Variants in MTRR observed in about 807,000 individuals in gnomAD.
The protein encoded by MTRR is 5-methyltetrahydrofolate-homocysteine methyltransferase reductase, also known as methionine synthase reductase.
MTRR carries 63 observed loss-of-function variants against 79.2 expected under a neutral mutation model. The observed-to-expected ratio is 0.80, with a 90% CI of 0.65 to 0.98. The LOEUF (loss-of-function observed/expected upper bound fraction) is 0.98. MTRR is among the 50% of genes least tolerant of loss of function. The pLI is 0.00. For missense variants in MTRR, 895 were observed against 839.6 expected (o/e 1.07, Z -0.82); for synonymous variants, 355 against 313.3 (o/e 1.13, Z -1.41).
intron 14 of MTRR, among the ~76,000 whole-genome samples, chr5:7,897,775 T>C (rs138238044): frequency 0.016 from 2,511 of 152,328 alleles, 33 homozygotes; most frequent in Non-Finnish European, 0.025. Flanking sequence ...ATAATTGCCA[T>C]AGAAAAATTG....
In MTRR at chr5:7,878,112, A is replaced by G. The variant is rs755787285; in HGVS notation, c.570A>G (p.Gln190=). Residue 190 remains glutamine (Q), a synonymous_variant, in exon 5 of 15, where the codon CAA becomes CAG. Coordinates refer to ENST00000440940, the MANE Select transcript of MTRR (RefSeq NM_002454.3). The part of the protein sequence containing the change: ...VKSELLHIES[Q]VELLRFDDSG... The stretch of plus-strand genomic sequence containing the variant: ...CAGAGCTGCTACACATTGAATCTCA[A>G]GTCGAGCTTCTGAGATTCGATGATT... The G allele has an allele frequency of 3.7e-6, 6 of 1,614,070 alleles. No homozygotes were observed. Among genetic ancestry groups the G allele is most frequent in the South Asian group, 3.3e-5 (3 of 91,078 alleles).
intron 10 of MTRR, 22 bp downstream of exon 10, chr5:7,891,436 A>C (rs1737558251): frequency 6.3e-7 from 1 of 1,589,250 alleles, no homozygotes; most frequent in South Asian, 1.1e-5. Flanking sequence ...TATTCACGTA[A>C]TATATAGCAT....
chr5:7,885,255 T>TA (rs1402369964), intron 6 of MTRR: 1 of 184,812 alleles, frequency 5.4e-6, no homozygotes, highest in Admixed American at 5.6e-5. Context: ...AGGAAAAGAG[T>TA]AAAGTAAGGA....
At chr5:7,870,646 A>G in intron 1 of MTRR, 124 bp from the exon 2 acceptor site, 1 of 1,055,780 alleles carries the variant, frequency 9.5e-7, no homozygotes, top group Non-Finnish European at 1.4e-6. Context: ...ACAAATTTAG[A>G]AAAGGCCATT....
rs1747831647 is a variant in MTRR at position 7,870,818 on chromosome 5, T to C, written c.24T>C (p.Tyr8=). 1 of 1,614,242 alleles carries C rather than the reference T, an allele frequency of 6.2e-7. No individual in the cohort carries two copies. The highest frequency in any genetic ancestry group is 8.5e-7 in the Non-Finnish European group (1 of 1,180,044). Residue 8 remains tyrosine (Y), a synonymous_variant, in exon 2 of 15, where the codon TAT becomes TAC. Coordinates refer to ENST00000440940, the MANE Select transcript of MTRR (RefSeq NM_002454.3). MRRFLLL[Y]ATQQGQAKAI... ...TGATGAGGAGGTTTCTGTTACTATA[T>C]GCTACACAGCAGGGACAGGCAAAGG...
intron 1 of MTRR, among the ~76,000 whole-genome samples, chr5:7,853,628 A>C (rs1432045548): frequency 6.6e-6 from 1 of 152,202 alleles, no homozygotes; most frequent in African/African-American, 2.4e-5. Context: ...GCTGAAGGCA[A>C]CTGGTGAATG....
At chr5:7,877,319 C>T (rs988575392) in intron 4 of MTRR, among the ~76,000 whole-genome samples, 1 of 151,946 alleles carries the variant, frequency 6.6e-6, no homozygotes, top group East Asian at 1.9e-4. Context: ...TTCAACTTTC[C>T]CAAAGGAGGG....
chr5:7,897,137 T>G lies in MTRR; in HGVS notation c.1842T>G (p.Pro614=). 1 of 1,614,200 alleles carries G rather than the reference T, an allele frequency of 6.2e-7. No homozygotes were observed. Among genetic ancestry groups the G allele is most frequent in the Non-Finnish European group, 8.5e-7 (1 of 1,180,026 alleles). ...HLKVSFSRDA[P]VGEEEAPAKY... ...AGGTTTCCTTCTCAAGAGATGCTCC[T>G]GTTGGGGAGGAGGAAGCCCCAGCAA... Residue 614 remains proline, a synonymous_variant, in exon 14 of 15, where the codon CCT becomes CCG. Coordinates refer to ENST00000440940, the MANE Select transcript of MTRR (RefSeq NM_002454.3).
chr5:7,851,300 G>C (rs1046130059), exon 1 of MTRR: 2 of 349,906 alleles, frequency 5.7e-6, no homozygotes, highest in African/African-American at 4.2e-5. Context: ...GAGACGCCGC[G>C]GGGACTACCC....
chr5:7,851,909 G>T (rs1178765668), intron 1 of MTRR, among the ~76,000 whole-genome samples: 2 of 152,236 alleles, frequency 1.3e-5, no homozygotes, highest in East Asian at 3.9e-4. Context: ...GATGACCAAG[G>T]CTTGGGAAAT....
chr5:7,887,070 C>G (rs1366433032), intron 8 of MTRR, among the ~76,000 whole-genome samples: 2 of 152,126 alleles, frequency 1.3e-5, no homozygotes, highest in African/African-American at 2.4e-5. Flanking sequence ...CATTGCTGCT[C>G]CTTCTTTAAT....
upstream of MTRR, chr5:7,851,064 C>T (rs977144490): frequency 1.5e-5 from 18 of 1,236,026 alleles, no homozygotes; most frequent in Non-Finnish European, 1.7e-5. Flanking sequence ...CGGTCCGTCC[C>T]GCCCGCCCAG....
chr5:7,867,609 A>T, upstream of MTRR: 1 of 1,614,278 alleles, frequency 6.2e-7, no homozygotes, highest in African/African-American at 1.3e-5. Flanking sequence ...AAAGCTTGAA[A>T]GATGCTATTC....
intron 1 of MTRR, among the ~76,000 whole-genome samples, chr5:7,855,568 C>T (rs866350005): frequency 7.9e-5 from 12 of 151,918 alleles, no homozygotes; most frequent in Middle Eastern, 3.4e-3. Context: ...AGAGCAGTGG[C>T]GTGATCATAG....
chr5:7,893,959 ATAT>A (rs1165655811), intron 11 of MTRR, among the ~76,000 whole-genome samples: 3 of 152,188 alleles, frequency 2.0e-5, no homozygotes, highest in East Asian at 3.8e-4. Flanking sequence ...TTGAGAAGAA[ATAT>A]TATAGTACTG....
intron 1 of MTRR, among the ~76,000 whole-genome samples, chr5:7,855,136 C>T (rs1746202498): frequency 6.6e-6 from 1 of 152,126 alleles, no homozygotes; most frequent in Non-Finnish European, 1.5e-5. Context: ...CAGTTAGAGA[C>T]ATAAGAGACT....
At chr5:7,874,375 C>T (rs959515342) in intron 3 of MTRR, among the ~76,000 whole-genome samples, 6 of 151,104 alleles carry the variant, frequency 4.0e-5, no homozygotes, top group Non-Finnish European at 5.9e-5. Context: ...GAGAGTATTT[C>T]ACAGTATTTA....
intron 11 of MTRR, chr5:7,893,285 A>G (rs1737949025): frequency 4.5e-6 from 1 of 219,994 alleles, no homozygotes; most frequent in African/African-American, 2.3e-5. Context: ...TAAGATGTAT[A>G]CTGCCTCTCA....
At chr5:7,870,467 A>G (rs149214207) in intron 1 of MTRR, 2 of 382,970 alleles carry the variant, frequency 5.2e-6, no homozygotes, top group African/African-American at 4.2e-5. Context: ...TGTGGTACGG[A>G]TCATTTGGGG....
Sources: allele counts gnomAD v4.1 joint callset (sites outside exome capture counted in the v4.1 genomes callset), GRCh38; gene constraint gnomAD v4.1.1; transcripts MANE v1.5; gene names NCBI Gene and HGNC (gene_info 2026-07-23, HGNC 2026-07-21).